Variants in EPB41L1 observed in about 807,000 individuals in gnomAD.
EPB41L1 encodes erythrocyte membrane protein band 4.1 like 1.
EPB41L1 carries 29 observed loss-of-function variants against 97.8 expected under a neutral mutation model. The ratio of observed to expected loss-of-function variants is 0.30; its 90% confidence interval spans 0.22 to 0.40. EPB41L1 has a LOEUF of 0.40. Among genes scored for constraint, EPB41L1 ranks in the 10% least tolerant of loss-of-function variants. EPB41L1 has a pLI of 1.00. For synonymous variants in EPB41L1, 383 were observed against 459.2 expected (o/e 0.83, Z 2.12); for missense variants, 812 against 1,162.3 (o/e 0.70, Z 4.38).
intron 1 of EPB41L1, among the ~76,000 whole-genome samples, chr20:36,171,980 T>C (rs1297637752): frequency 1.3e-5 from 2 of 152,220 alleles, no homozygotes; most frequent in Non-Finnish European, 2.9e-5. Flanking sequence ...GATCTGTTGA[T>C]TGGGGGCAGG....
At chr20:36,174,005 G>C in intron 2 of EPB41L1, 51 bp downstream of exon 2, 2 of 1,568,012 alleles carry the variant, frequency 1.3e-6, no homozygotes, top group Non-Finnish European at 1.7e-6. Flanking sequence ...CCGTCCTCCA[G>C]GTCCAGTTCT....
At chr20:36,151,261 AT>A (rs913330794), upstream of EPB41L1, 1 of 152,152 alleles carries the variant, frequency 6.6e-6, no homozygotes, top group African/African-American at 2.4e-5. Flanking sequence ...AGAGGAAAGA[AT>A]TTCTCCTGCC....
intron 2 of EPB41L1, chr20:36,121,890 A>T (rs2058762733): frequency 6.6e-6 from 1 of 152,310 alleles, no homozygotes; most frequent in South Asian, 2.1e-4. Context: ...GTGAGAGCAG[A>T]CCTTCAAGGC....
In EPB41L1 at chr20:36,206,932, CG is replaced by C. The variant is rs1569318177; in HGVS notation, c.1669-2553del. 1 of 1,289,954 alleles carries C rather than the reference CG, an allele frequency of 7.8e-7. No homozygotes were observed. The highest frequency in any genetic ancestry group is 5.5e-5 in the East Asian group (1 of 18,026). 79.9% of individuals were successfully genotyped at this position (1,289,954 alleles called of 1,614,324 possible). A position where few individuals can be genotyped will look rare whatever the true frequency, so the allele number is the denominator to read the frequency against. On this transcript the variant is annotated intron_variant, in intron 14 of 21. Transcript: ENST00000338074. The surrounding 1 kb of genome is among the most constrained non-coding windows in gnomAD (Gnocchi z 5.5). ...CGACCCCCAGGCCTGCGCCCTTCCTCGGGCCATCCCTCTGAATGTCAGGAAG... is the reference window on the plus strand; with the variant it reads ...CGACCCCCAGGCCTGCGCCCTTCCTCGGCCATCCCTCTGAATGTCAGGAAG...
At chr20:36,171,970 G>C (rs11907378) in intron 1 of EPB41L1, among the ~76,000 whole-genome samples, 158 of 152,268 alleles carry the variant, frequency 1.0e-3, no homozygotes, top group African/African-American at 3.6e-3. Context: ...TTTTTTTGAG[G>C]ATCTGTTGAT....
chr20:36,101,965 A>G (rs560014978), intron 1 of EPB41L1, among the ~76,000 whole-genome samples: 1 of 152,058 alleles, frequency 6.6e-6, no homozygotes, highest in Non-Finnish European at 1.5e-5. Flanking sequence ...AGATCACACC[A>G]TTGCACTCCA....
intron 8 of EPB41L1, among the ~76,000 whole-genome samples, 199 bp downstream of exon 8, chr20:36,187,962 A>G (rs371920577): frequency 6.6e-6 from 1 of 152,162 alleles, no homozygotes; most frequent in Non-Finnish European, 1.5e-5. Context: ...TATTTTATTT[A>G]TGAACCTGTT....
At chr20:36,111,132 CTT>C (rs1193735676) in intron 1 of EPB41L1, among the ~76,000 whole-genome samples, 1 of 152,190 alleles carries the variant, frequency 6.6e-6, no homozygotes. Context: ...GGAGCAGACA[CTT>C]TTACTCCTAT....
In EPB41L1 at chr20:36,209,339, C is replaced by T. The variant is rs2062998743; in HGVS notation, c.1669-149C>T. 3 of 455,136 alleles carry T rather than the reference C, an allele frequency of 6.6e-6. No homozygotes were observed. Among genetic ancestry groups the T allele is most frequent in the Non-Finnish European group, 7.6e-6 (2 of 262,030 alleles). 28.2% of individuals were successfully genotyped at this position (455,136 alleles called of 1,614,324 possible). A position where few individuals can be genotyped will look rare whatever the true frequency, so the allele number is the denominator to read the frequency against. On this transcript the variant is annotated intron_variant, in intron 14 of 21. Transcript: ENST00000338074. This position sits in a 1 kb window ranked among gnomAD's most constrained non-coding sequence, Gnocchi z 4.2. The stretch of plus-strand genomic sequence containing the variant: ...CTTGTTATGATTTCAAGGAACCTTT[C>T]CTGGGGTGTTTTTCATTTCCTGGCC...
intron 1 of EPB41L1, among the ~76,000 whole-genome samples, chr20:36,106,078 G>A (rs576165778): frequency 2.0e-5 from 3 of 152,280 alleles, no homozygotes; most frequent in Non-Finnish European, 4.4e-5. Context: ...GTGGGGGAGG[G>A]CAGGGTGCCT....
rs577521210 is a variant in EPB41L1 at position 36,217,888 on chromosome 20, A to C, written c.2269-988A>C. Among the ~76,000 whole-genome samples, 8 of 152,264 alleles carry C rather than the reference A, an allele frequency of 5.3e-5. No homozygotes were observed. The South Asian group carries it at 6.2e-4, about 12-fold the overall frequency. On this transcript the variant is annotated intron_variant, in intron 17 of 21. Transcript: ENST00000338074. ...AGATCTAGTGCCATGCCTGGACCAGAATCAGAGGTCAGGCCACTGAGGACC... is the reference window on the plus strand; with the variant it reads ...AGATCTAGTGCCATGCCTGGACCAGCATCAGAGGTCAGGCCACTGAGGACC...
chr20:36,206,746 G>T lies in EPB41L1; in HGVS notation c.1669-2742G>T, dbSNP rs2062838546. 18 of 1,289,800 alleles carry T rather than the reference G, an allele frequency of 1.4e-5. No individual in the cohort carries two copies. Among genetic ancestry groups the T allele is most frequent in the Non-Finnish European group, 1.7e-5 (17 of 988,900 alleles). The allele number at this position is 1,289,800 out of a possible 1,614,324, so 79.9% of individuals were successfully genotyped here. On this transcript the variant is annotated intron_variant, in intron 14 of 21. Transcript: ENST00000338074. The surrounding 1 kb of genome is among the most constrained non-coding windows in gnomAD (Gnocchi z 5.5). ...ACAGACGTTTGCTGAAGGCTGGGAA[G>T]ATGCCCAGTGGGGAGTGGAAGGAGA...
chr20:36,170,354 G>A (rs985945876), intron 1 of EPB41L1, among the ~76,000 whole-genome samples: 2 of 151,816 alleles, frequency 1.3e-5, no homozygotes, highest in East Asian at 1.9e-4. Flanking sequence ...CTGTCTTCCC[G>A]CCACCCAGAA....
At chr20:36,216,340 T>C (rs2063440000) in intron 17 of EPB41L1, among the ~76,000 whole-genome samples, 1 of 151,970 alleles carries the variant, frequency 6.6e-6, no homozygotes, top group Non-Finnish European at 1.5e-5. Context: ...AGTGCAGCAT[T>C]TGGGGAAGGA....
Position 36,147,678 on chromosome 20 carries a change from G to A in EPB41L1, c.-9-27873G>A, listed in dbSNP as rs2059892668. 2.0e-5 allele frequency among the ~76,000 whole-genome samples: 3 copies of A among 152,206 alleles called. No individual in the cohort carries two copies. In the South Asian group the frequency reaches 6.2e-4, roughly 32 times the overall value. On this transcript the variant is annotated intron_variant, in intron 2 of 19. Coordinates refer to the EPB41L1 transcript ENST00000202028. ...TGGGGACTCAGATGCTCTCTGCAAT[G>A]GCGATGTTAATTGATGGTGATGCTG...
chr20:36,202,788 A>G (rs1359070708), intron 14 of EPB41L1, among the ~76,000 whole-genome samples: 1 of 149,564 alleles, frequency 6.7e-6, no homozygotes, highest in Non-Finnish European at 1.5e-5. Flanking sequence ...TCCAGCCTGG[A>G]AGACAGAGCA....
intron 1 of EPB41L1, among the ~76,000 whole-genome samples, chr20:36,163,216 G>A (rs2752896): frequency 0.41 from 61,924 of 151,276 alleles, 15,850 homozygotes; most frequent in African/African-American, 0.73. Context: ...TGAAAAATAC[G>A]GAGAAAAAGG....
At chr20:36,171,133 CTT>C (rs11484332) in intron 1 of EPB41L1, among the ~76,000 whole-genome samples, 8 of 144,818 alleles carry the variant, frequency 5.5e-5, no homozygotes, top group Non-Finnish European at 6.1e-5. Context: ...GTCTGTGATG[CTT>C]TTTTTTTTTT....
At chr20:36,111,640 A>T (rs1218275173) in intron 1 of EPB41L1, among the ~76,000 whole-genome samples, 2 of 152,076 alleles carry the variant, frequency 1.3e-5, no homozygotes, top group African/African-American at 4.8e-5. Flanking sequence ...ACAAAAAATT[A>T]GCCGGGCGTT....
Sources: allele counts gnomAD v4.1 joint callset (sites outside exome capture counted in the v4.1 genomes callset), GRCh38; gene constraint gnomAD v4.1.1; non-coding constraint Gnocchi (gnomAD v3.1); transcripts MANE v1.5; gene names NCBI Gene and HGNC (gene_info 2026-07-23, HGNC 2026-07-21).